The following C3 variants were observed in gnomAD, a reference collection of about 807,000 sequenced individuals.
C3 encodes the protein C3 and PZP-like alpha-2-macroglobulin domain-containing protein 1.
A neutral mutation model predicts 207.9 loss-of-function variants in C3; 97 were observed. That is an observed-to-expected ratio of 0.47 (90% CI 0.40 to 0.55). C3 has a LOEUF of 0.55. Among genes scored for constraint, C3 ranks in the 20% least tolerant of loss-of-function variants. C3 has a pLI of 0.00. For missense variants in C3, 1,684 were observed against 2,171.7 expected (o/e 0.78, Z 4.46); for synonymous variants, 848 against 857.6 (o/e 0.99, Z 0.20).
At position 6,719,321 on chromosome 19, in the gene C3, C is replaced by T; in HGVS notation, c.157G>A (p.Val53Ile). 1 of 1,614,026 alleles carries T rather than the reference C, an allele frequency of 6.2e-7. No individual in the cohort carries two copies. The highest frequency in any genetic ancestry group is 1.3e-5 in the African/African-American group (1 of 74,972). Residue 53 changes from valine (V) to isoleucine (I), a missense_variant, in exon 2 of 41, where the codon GTT becomes ATT. This residue lies in a region of C3 where 1,280 missense variants were observed against 1,739.1 expected (regional missense o/e 0.74). Coordinates refer to ENST00000245907, the MANE Select transcript of C3 (RefSeq NM_000064.4). This position sits in a 1 kb window ranked among gnomAD's most constrained non-coding sequence, Gnocchi z 5.4. ...VLEAHDAQGD[V>I]PVTVTVHDFP... ...TCGTGGACAGTAACAGTGACTGGAA[C>T]ATCCCCTTGCGCGTCGTGGGCCTCC...
rs772998021 is a variant in C3 at position 6,692,945 on chromosome 19, G to A, written c.3369C>T (p.Pro1123=). 3.7e-6 allele frequency: 6 copies of A among 1,614,022 alleles called. No individual in the cohort carries two copies. In the South Asian group the frequency reaches 5.5e-5, roughly 15 times the overall value. ...TTACAATCATTTCTTGGTGTATCACGGGCGCATCCTCCTGGAAGACCCCGT... is the reference window on the plus strand; with the variant it reads ...TTACAATCATTTCTTGGTGTATCACAGGCGCATCCTCCTGGAAGACCCCGT... ...KPDGVFQEDA[P]VIHQEMIGGL... The change falls in exon 26 of 41, where the codon CCC becomes CCT. Residue 1123 remains proline, a synonymous_variant. Coordinates refer to ENST00000245907, the MANE Select transcript of C3 (RefSeq NM_000064.4).
At chr19:6,682,846 T>G (rs1372983247) in intron 33 of C3, 1 of 156,064 alleles carries the variant, frequency 6.4e-6, no homozygotes, top group Non-Finnish European at 1.4e-5. Context: ...CATGAGATTT[T>G]ACAACAATGT....
rs1476029100 is a variant in C3, at chr19:6,700,514, A to G, written c.2440+1613T>C. Among the ~76,000 whole-genome samples, 28 of 33,658 alleles carry G rather than the reference A, an allele frequency of 8.3e-4. 11 individuals are homozygous for G. Among genetic ancestry groups the G allele is most frequent in the East Asian group, 6.6e-3 (4 of 610 alleles). The allele number at this position is 33,658 out of a possible 152,430, so 22.1% of individuals were successfully genotyped here. On this transcript the variant is annotated intron_variant, in intron 19 of 40. Coordinates refer to ENST00000245907, the MANE Select transcript of C3 (RefSeq NM_000064.4). ...ATATGATATATTATATATGTAATAT[A>G]TAATATATGTAATATGATATATTAT...
chr19:6,709,603 C>T, intron 14 of C3, 81 bp downstream of exon 14: 1 of 1,408,850 alleles, frequency 7.1e-7, no homozygotes. Flanking sequence ...CTGCACTGCC[C>T]TCTCCAGTCC....
intron 37 of C3, 64 bp from the exon 38 acceptor site, chr19:6,679,272 G>C: frequency 6.6e-7 from 1 of 1,504,058 alleles, no homozygotes; most frequent in Non-Finnish European, 9.3e-7. Flanking sequence ...CTGCCCATGG[G>C]TGTGGCCAGC....
intron 13 of C3, among the ~76,000 whole-genome samples, chr19:6,710,391 GA>G (rs1262344350): frequency 6.6e-6 from 1 of 150,516 alleles, no homozygotes; most frequent in African/African-American, 2.5e-5. Flanking sequence ...GAGATCGAGA[GA>G]GGGAGAGAGA....
chr19:6,703,493 G>A (rs762973861), intron 17 of C3, among the ~76,000 whole-genome samples: 1 of 152,190 alleles, frequency 6.6e-6, no homozygotes. Context: ...TGTAGTCCCA[G>A]ATACTCGGGA....
Position 6,678,493 on chromosome 19 carries a change from G to C in C3, c.4631-38C>G, listed in dbSNP as rs1169397806. The C allele has an allele frequency of 2.5e-6, 4 of 1,585,222 alleles. No homozygotes were observed. In the African/African-American group the frequency reaches 5.4e-5, roughly 21 times the overall value. On this transcript the variant is annotated intron_variant, in intron 38 of 40. Coordinates refer to ENST00000245907, the MANE Select transcript of C3 (RefSeq NM_000064.4). Reference sequence around the variant, plus strand: ...GGCAGACAGTTTGGGTGGTGGGCTAGGTTGACCATGAGGGGCACCCTGGTT... The same window carrying C: ...GGCAGACAGTTTGGGTGGTGGGCTACGTTGACCATGAGGGGCACCCTGGTT...
Position 6,707,317 on chromosome 19 carries a change from G to A in C3, c.2048-44C>T, listed in dbSNP as rs201441735. ...CCCCAGGCCACACCCTCAGCCGGGG[G>A]CCGGCAGCAGGAGGGACGCGGGACG... On this transcript the variant is annotated intron_variant, in intron 16 of 40. Coordinates refer to ENST00000245907, the MANE Select transcript of C3 (RefSeq NM_000064.4). The A allele has an allele frequency of 1.8e-5, 29 of 1,602,190 alleles. 1 individual carries two copies. The East Asian group carries it at 5.9e-4, about 32-fold the overall frequency.
rs187521206 is a variant in C3 at position 6,689,378 on chromosome 19, T to C, written c.3489+1251A>G. ...CTCCCTCCCTCTCTCTCTCTCTCTCTCTCTCTCTCTGCCTTGGTCCCTCTT... is the reference window on the plus strand; with the variant it reads ...CTCCCTCCCTCTCTCTCTCTCTCTCCCTCTCTCTCTGCCTTGGTCCCTCTT... On this transcript the variant is annotated intron_variant, in intron 27 of 40. Transcript: ENST00000245907. Among the ~76,000 whole-genome samples, 67 of 126,890 alleles carry C rather than the reference T, an allele frequency of 5.3e-4. 1 individual carries two copies. Among genetic ancestry groups the C allele is most frequent in the African/African-American group, 1.8e-3 (59 of 32,288 alleles). The allele number at this position is 126,890 out of a possible 152,430, so 83.2% of individuals were successfully genotyped here. A position where few individuals can be genotyped will look rare whatever the true frequency, so the allele number is the denominator to read the frequency against.
At chr19:6,680,592 G>A (rs1383911303) in intron 35 of C3, among the ~76,000 whole-genome samples, 3 of 152,154 alleles carry the variant, frequency 2.0e-5, no homozygotes, top group Non-Finnish European at 2.9e-5. Flanking sequence ...AGAGCCACAG[G>A]ATGGAAGGTG....
chr19:6,692,907 A>G lies in C3; in HGVS notation c.3390+17T>C. 6.2e-7 allele frequency: 1 copy of G among 1,613,386 alleles called. No homozygotes were observed. The highest frequency in any genetic ancestry group is 1.1e-5 in the South Asian group (1 of 91,078). On this transcript the variant is annotated intron_variant, in intron 26 of 40. Transcript: ENST00000245907. Reference sequence around the variant, plus strand: ...GAGCCCCTCTCTTCCATTTTGCCCTAAATCCCAGCCTCTTACAATCATTTC... The same window carrying G: ...GAGCCCCTCTCTTCCATTTTGCCCTGAATCCCAGCCTCTTACAATCATTTC...
Position 6,707,791 on chromosome 19 carries a change from C to T in C3, c.1975+9G>A. 4 of 1,612,962 alleles carry T rather than the reference C, an allele frequency of 2.5e-6. No homozygotes were observed. The highest frequency in any genetic ancestry group is 1.7e-6 in the Non-Finnish European group (2 of 1,179,922). On this transcript the variant is annotated intron_variant, in intron 15 of 40. Transcript: ENST00000245907. ...CTGTCCCTGCACCGGCCCCTGGTGG[C>T]GACCTCACCTGCCCTCTGGGCGGTC...
chr19:6,679,323 C>T (rs1266620316), intron 37 of C3, 84 bp downstream of exon 37: 4 of 1,442,554 alleles, frequency 2.8e-6, no homozygotes, highest in Non-Finnish European at 3.9e-6. Flanking sequence ...GGGTATGGGT[C>T]TGGGGGTCCC....
chr19:6,681,489 T>G (rs1917858968), intron 35 of C3, among the ~76,000 whole-genome samples: 1 of 151,962 alleles, frequency 6.6e-6, no homozygotes, highest in Non-Finnish European at 1.5e-5. Context: ...GACTTTGCAG[T>G]GAGCTAGTAT....
At chr19:6,688,172 C>CG (rs1158763852) in intron 27 of C3, among the ~76,000 whole-genome samples, 5 of 151,858 alleles carry the variant, frequency 3.3e-5, no homozygotes, top group Admixed American at 2.6e-4. Context: ...CTCGCTCTGG[C>CG]CCAGGCTGGA....
intron 12 of C3, 34 bp from the exon 13 acceptor site, chr19:6,710,879 G>T (rs1373288695): frequency 2.5e-6 from 4 of 1,608,422 alleles, no homozygotes; most frequent in Non-Finnish European, 3.4e-6. Flanking sequence ...GCTGGGGAGG[G>T]TGAGTGGCAG....
chr19:6,678,525 T>C, intron 38 of C3, 70 bp from the exon 39 acceptor site: 16 of 1,286,454 alleles, frequency 1.2e-5, no homozygotes, highest in Non-Finnish European at 1.8e-5. Flanking sequence ...GGTTTGCAAG[T>C]GCACCCGGGC....
At chr19:6,702,684 G>A in intron 17 of C3, 105 bp from the exon 18 acceptor site, 1 of 803,678 alleles carries the variant, frequency 1.2e-6, no homozygotes, top group East Asian at 2.5e-5. Flanking sequence ...GATCACTTGA[G>A]GCCAGGAGTT....
Sources: gnomAD v4.1 joint callset for allele counts (sites outside exome capture counted in the v4.1 genomes callset) on GRCh38, gnomAD v4.1.1 for gene constraint, gnomAD v4.1.1 regional missense constraint, Gnocchi (gnomAD v3.1) non-coding constraint, MANE v1.5 for transcripts, NCBI Gene and HGNC (gene_info 2026-07-23, HGNC 2026-07-21) for gene names.